Variants in HPSE2 observed in about 807,000 individuals in gnomAD.
The protein encoded by HPSE2 is inactive heparanase-2.
A neutral mutation model predicts 60.5 loss-of-function variants in HPSE2; 38 were observed. That is an observed-to-expected ratio of 0.63 (90% CI 0.48 to 0.82). The LOEUF is 0.82. Ranked by LOEUF, HPSE2 falls within the 40% of genes least tolerant of loss-of-function variation. The pLI is 0.00. For synonymous variants in HPSE2, 295 were observed against 293.2 expected (o/e 1.01, Z -0.06); for missense variants, 713 against 740.4 (o/e 0.96, Z 0.43).
intron 3 of HPSE2, among the ~76,000 whole-genome samples, chr10:99,082,756 T>C (rs1156298033): frequency 6.6e-6 from 1 of 152,218 alleles, no homozygotes. Context: ...AATACAAACA[T>C]CTTTAATTTT....
At chr10:98,895,549 G>C (rs369791777) in intron 3 of HPSE2, among the ~76,000 whole-genome samples, 12 of 152,238 alleles carry the variant, frequency 7.9e-5, no homozygotes, top group African/African-American at 2.6e-4. Flanking sequence ...CTTCAAAACA[G>C]TACTCTTGTC....
chr10:98,995,676 T>C (rs1002688741), intron 3 of HPSE2, among the ~76,000 whole-genome samples: 2 of 151,944 alleles, frequency 1.3e-5, no homozygotes, highest in South Asian at 2.1e-4. Flanking sequence ...AGTAATAGGC[T>C]AAGGAAAAAA....
At chr10:98,746,332 A>T (rs572130322) in intron 3 of HPSE2, among the ~76,000 whole-genome samples, 4 of 129,892 alleles carry the variant, frequency 3.1e-5, no homozygotes, top group African/African-American at 8.2e-5. Context: ...TAAAAAAATA[A>T]TTTTTGTCAA....
At chr10:98,678,906 C>A (rs1947714281) in intron 6 of HPSE2, among the ~76,000 whole-genome samples, 2 of 152,062 alleles carry the variant, frequency 1.3e-5, no homozygotes, top group Admixed American at 6.6e-5. Context: ...TCCCTAAACA[C>A]CACCAAAACA....
At chr10:98,771,200 C>T (rs1233695417) in intron 3 of HPSE2, among the ~76,000 whole-genome samples, 1 of 152,112 alleles carries the variant, frequency 6.6e-6, no homozygotes, top group East Asian at 1.9e-4. Flanking sequence ...ACAGACATGG[C>T]TAAGCAGAAA....
At chr10:98,504,789 CAAA>C (rs60134699) in intron 9 of HPSE2, among the ~76,000 whole-genome samples, 4 of 62,020 alleles carry the variant, frequency 6.4e-5, no homozygotes, top group Non-Finnish European at 6.6e-5. Context: ...GACTCCGTCT[CAAA>C]AAAAAAAAAA....
At chr10:98,871,850 G>C (rs1017256123) in intron 3 of HPSE2, among the ~76,000 whole-genome samples, 6 of 152,086 alleles carry the variant, frequency 3.9e-5, no homozygotes, top group Admixed American at 3.3e-4. Flanking sequence ...ACTGGAGACT[G>C]TATCTACTGT....
chr10:98,491,669 GATT>G (rs1337454559), intron 9 of HPSE2, among the ~76,000 whole-genome samples: 1 of 152,128 alleles, frequency 6.6e-6, no homozygotes, highest in African/African-American at 2.4e-5. Context: ...TAGTAATAGG[GATT>G]ATTATTCTTA....
chr10:99,087,353 C>G (rs59723253), intron 3 of HPSE2, among the ~76,000 whole-genome samples: 1,719 of 152,208 alleles, frequency 0.011, 35 homozygotes, highest in African/African-American at 0.039. Flanking sequence ...TTCTGGCGTC[C>G]CACACAGGGA....
At chr10:99,113,839 G>A (rs1564817673) in intron 3 of HPSE2, among the ~76,000 whole-genome samples, 1 of 146,980 alleles carries the variant, frequency 6.8e-6, no homozygotes, top group African/African-American at 2.5e-5. Context: ...AGTAATTTAG[G>A]TTTTTTTTTT....
chr10:98,728,248 A>C (rs1949139510), intron 4 of HPSE2, among the ~76,000 whole-genome samples: 1 of 152,206 alleles, frequency 6.6e-6, no homozygotes, highest in East Asian at 1.9e-4. Context: ...ATAAAATATA[A>C]AGATATAATA....
At chr10:98,939,273 A>G (rs1414193986) in intron 3 of HPSE2, among the ~76,000 whole-genome samples, 1 of 144,122 alleles carries the variant, frequency 6.9e-6, no homozygotes, top group African/African-American at 2.8e-5. Context: ...TGCTCCAATT[A>G]AAAGACACAG....
intron 3 of HPSE2, among the ~76,000 whole-genome samples, chr10:99,112,452 G>GTT (rs748974945): frequency 2.7e-5 from 4 of 147,590 alleles, no homozygotes; most frequent in African/African-American, 1.0e-4. Flanking sequence ...GTTTTGTTTT[G>GTT]TTTTGTTTTT....
At chr10:98,960,701 C>CTTTTTTTTTTTTTTTTTTTTT in intron 3 of HPSE2, among the ~76,000 whole-genome samples, 37 of 57,490 alleles carry the variant, frequency 6.4e-4, no homozygotes, top group African/African-American at 7.6e-4. Flanking sequence ...ATGTACATTT[C>CTTTTTTTTTTTTTTTTTTTTT]TTTTTTTTTT....
chr10:98,904,612 C>G (rs1461003079), intron 3 of HPSE2, among the ~76,000 whole-genome samples: 1 of 152,130 alleles, frequency 6.6e-6, no homozygotes, highest in Non-Finnish European at 1.5e-5. Flanking sequence ...ACCTAAGCAT[C>G]TACATACATA....
chr10:98,590,576 T>C (rs563779715), intron 9 of HPSE2, among the ~76,000 whole-genome samples: 18 of 152,350 alleles, frequency 1.2e-4, no homozygotes, highest in South Asian at 1.0e-3. Context: ...GTTGGAGCCA[T>C]GATGCGCTTA....
At chr10:99,098,115 T>G (rs1390287797) in intron 3 of HPSE2, among the ~76,000 whole-genome samples, 1 of 152,218 alleles carries the variant, frequency 6.6e-6, no homozygotes, top group African/African-American at 2.4e-5. Context: ...ATACAGTTAG[T>G]CCTACATATC....
chr10:98,977,216 C>T (rs909603063), intron 3 of HPSE2, among the ~76,000 whole-genome samples: 3 of 152,196 alleles, frequency 2.0e-5, no homozygotes, highest in African/African-American at 7.2e-5. Flanking sequence ...TGTACAGGAA[C>T]TGTGTTTTAT....
At chr10:98,485,653 A>G (rs1591253238) in intron 10 of HPSE2, among the ~76,000 whole-genome samples, 1 of 152,252 alleles carries the variant, frequency 6.6e-6, no homozygotes, top group East Asian at 1.9e-4. Context: ...AGCTTAGCTT[A>G]GCTATCTGTA....
Sources: allele counts gnomAD v4.1 joint callset (sites outside exome capture counted in the v4.1 genomes callset), GRCh38; gene constraint gnomAD v4.1.1; transcripts MANE v1.5; gene names NCBI Gene and HGNC (gene_info 2026-07-23, HGNC 2026-07-21).